The following ZNF148 variants were observed in gnomAD, a reference collection of about 807,000 sequenced individuals.
ZNF148 encodes the protein Beta-Enolase Repressor Factor-1.
A neutral mutation model predicts 67.7 loss-of-function variants in ZNF148; 7 were observed. That is an observed-to-expected ratio of 0.10 (90% CI 0.06 to 0.19). The LOEUF is 0.19. Among genes scored for constraint, ZNF148 ranks in the 10% least tolerant of loss-of-function variants. The pLI is 1.00. For synonymous variants in ZNF148, 333 were observed against 330.7 expected (o/e 1.01, Z -0.08); for missense variants, 583 against 947.1 (o/e 0.62, Z 5.05).
intron 7 of ZNF148, among the ~76,000 whole-genome samples, chr3:125,238,655 A>C (rs1359995161): frequency 6.6e-6 from 1 of 152,166 alleles, no homozygotes; most frequent in Non-Finnish European, 1.5e-5. Context: ...ACACAAATGA[A>C]ATGACATTTA....
intron 4 of ZNF148, among the ~76,000 whole-genome samples, chr3:125,299,063 T>C (rs1403703951): frequency 2.0e-5 from 3 of 152,354 alleles, no homozygotes; most frequent in East Asian, 1.9e-4. Flanking sequence ...TAGACAGACA[T>C]TGGAAAGAAG....
chr3:125,317,698 C>CAT lies in ZNF148; in HGVS notation c.-16-4044_-16-4043dup, dbSNP rs1553708300. On this transcript the variant is annotated intron_variant, in intron 3 of 8. Coordinates refer to ENST00000360647, the MANE Select transcript of ZNF148 (RefSeq NM_021964.3). ...AGAGAGAAATACATATACACACACA[C>CAT]ATATATATATATATATTTTTTTTTT... Among the ~76,000 whole-genome samples the CAT allele has an allele frequency of 1.3e-3, 132 of 103,320 alleles. 1 individual carries two copies. The highest frequency in any genetic ancestry group is 3.2e-3 in the African/African-American group (87 of 27,460). 67.8% of individuals were successfully genotyped at this position (103,320 alleles called of 152,430 possible).
intron 4 of ZNF148, among the ~76,000 whole-genome samples, chr3:125,312,413 G>A (rs1026283225): frequency 1.3e-5 from 2 of 152,168 alleles, no homozygotes; most frequent in African/African-American, 4.8e-5. Context: ...CACACCATGT[G>A]CCAACACCTG....
chr3:125,284,571 G>A (rs76593630), intron 5 of ZNF148, among the ~76,000 whole-genome samples: 1,682 of 152,044 alleles, frequency 0.011, 30 homozygotes, highest in African/African-American at 0.038. Flanking sequence ...ACTGCAATAC[G>A]CAATTTTAAA....
rs149374809 is a variant in ZNF148 at position 125,233,880 on chromosome 3, G to A, written c.846C>T (p.Asp282=). 6.2e-7 allele frequency: 1 copy of A among 1,611,848 alleles called. No individual in the cohort carries two copies. The highest frequency in any genetic ancestry group is 8.5e-7 in the Non-Finnish European group (1 of 1,179,556). The change falls in exon 9 of 9, where the codon GAC becomes GAT. Residue 282 remains aspartate, a synonymous_variant. Coordinates refer to ENST00000360647, the MANE Select transcript of ZNF148 (RefSeq NM_021964.3). This position sits in a 1 kb window ranked among gnomAD's most constrained non-coding sequence, Gnocchi z 5.1. Reference sequence around the variant, plus strand: ...TGATGGCACATCTATTTAGTTTTTTGTCATGATTTTCATGGCACATACGTT... The same window carrying A: ...TGATGGCACATCTATTTAGTTTTTTATCATGATTTTCATGGCACATACGTT... ...KHKRMCHENH[D]KKLNRCAIKG... is the part of the protein sequence containing the mutation.
rs191588505 is a variant in ZNF148 at position 125,347,873 on chromosome 3, A to C, written c.-233-16635T>G. ...GACACCAAGACAATTCAGTAGAGAA[A>C]GAAGTCTTTTCAACAAACCAGTGCT... On this transcript the variant is annotated intron_variant, in intron 1 of 8. Coordinates refer to ENST00000360647, the MANE Select transcript of ZNF148 (RefSeq NM_021964.3). Among the ~76,000 whole-genome samples the C allele has an allele frequency of 2.4e-3, 372 of 152,318 alleles. 8 individuals are homozygous for C. The highest frequency in any genetic ancestry group is 0.023 in the Admixed American group (358 of 15,300).
At position 125,320,228 on chromosome 3, in the gene ZNF148, T is replaced by C. The variant is rs563904258; in HGVS notation, c.-17+3081A>G. Among the ~76,000 whole-genome samples, 6 of 152,296 alleles carry C rather than the reference T, an allele frequency of 3.9e-5. No individual in the cohort carries two copies. The East Asian group carries it at 1.2e-3, about 29-fold the overall frequency. On this transcript the variant is annotated intron_variant, in intron 3 of 8. Coordinates refer to ENST00000360647, the MANE Select transcript of ZNF148 (RefSeq NM_021964.3). ...AAATCTCTCTACCTTCCCATTCCAA[T>C]TGAAAATTTAAAAATAATCCTAAAT...
intron 3 of ZNF148, among the ~76,000 whole-genome samples, chr3:125,321,197 AT>A (rs1940755812): frequency 6.6e-6 from 1 of 152,194 alleles, no homozygotes; most frequent in African/African-American, 2.4e-5. Context: ...AACCATGTTA[AT>A]TTTTAAAGTA....
intron 1 of ZNF148, among the ~76,000 whole-genome samples, chr3:125,360,264 C>A (rs891163418): frequency 6.6e-6 from 1 of 150,808 alleles, no homozygotes; most frequent in African/African-American, 2.4e-5. Context: ...TTACCTTCAT[C>A]TTTTTTTTTA....
chr3:125,303,929 T>C (rs990129563), intron 4 of ZNF148, among the ~76,000 whole-genome samples: 1 of 152,116 alleles, frequency 6.6e-6, no homozygotes, highest in South Asian at 2.1e-4. Context: ...GCAGTGTATT[T>C]ATATAAAATG....
At chr3:125,358,006 TTGAAG>T (rs1264399490) in intron 1 of ZNF148, among the ~76,000 whole-genome samples, 21 of 152,304 alleles carry the variant, frequency 1.4e-4, no homozygotes, top group African/African-American at 5.1e-4. Flanking sequence ...TTTCTAATAC[TTGAAG>T]TAACAAGCTT....
intron 7 of ZNF148, among the ~76,000 whole-genome samples, chr3:125,269,696 A>G (rs1351146279): frequency 6.6e-6 from 1 of 152,218 alleles, no homozygotes; most frequent in Non-Finnish European, 1.5e-5. Context: ...AAAGACACAA[A>G]ATCAACACAG....
rs561706515 is a variant in ZNF148, at chr3:125,333,675, GA to G, written c.-233-2438del. 3.0e-3 allele frequency among the ~76,000 whole-genome samples: 459 copies of G among 152,318 alleles called. 1 individual carries two copies. Among genetic ancestry groups the G allele is most frequent in the African/African-American group, 0.011 (441 of 41,566 alleles). On this transcript the variant is annotated intron_variant, in intron 1 of 8. Coordinates refer to ENST00000360647, the MANE Select transcript of ZNF148 (RefSeq NM_021964.3). ...CTACTCCCCCACTTCAGCAGTCAGT[GA>G]ATATTCCTCCTTAGCAATTCTTTTA... is the stretch of plus-strand genomic sequence containing the variant.
chr3:125,290,383 TAA>T (rs1579718035), intron 4 of ZNF148, among the ~76,000 whole-genome samples: 1 of 152,190 alleles, frequency 6.6e-6, no homozygotes, highest in African/African-American at 2.4e-5. Flanking sequence ...TTCCTGACTT[TAA>T]AGAGTCCTCC....
chr3:125,229,182 C>A lies in ZNF148; in HGVS notation c.*3159G>T, dbSNP rs1426557423. 1 of 148,718 alleles carries A rather than the reference C, an allele frequency of 6.7e-6. No homozygotes were observed. The highest frequency in any genetic ancestry group is 1.5e-5 in the Non-Finnish European group (1 of 67,626). The allele number at this position is 148,718 out of a possible 1,614,324, so 9.2% of individuals were successfully genotyped here. On this transcript the variant is annotated 3_prime_UTR_variant, in exon 9 of 9. Transcript: ENST00000360647. ...TAAGAAATGCAGTACTACAGTAATG[C>A]CTACTTTTAAAGTTTCCCGGCCTTT... is the stretch of plus-strand genomic sequence containing the variant.
At chr3:125,341,731 G>A (rs573773638) in intron 1 of ZNF148, among the ~76,000 whole-genome samples, 8 of 152,180 alleles carry the variant, frequency 5.3e-5, no homozygotes, top group African/African-American at 1.7e-4. Context: ...ATGGTGGCTC[G>A]TGCCTGTAAT....
intron 7 of ZNF148, among the ~76,000 whole-genome samples, chr3:125,241,635 T>A (rs555875388): frequency 1.3e-5 from 2 of 152,218 alleles, no homozygotes; most frequent in Admixed American, 1.3e-4. Flanking sequence ...TATTTTTCAC[T>A]GATGGAAAGA....
intron 4 of ZNF148, among the ~76,000 whole-genome samples, chr3:125,291,234 G>A (rs995112974): frequency 6.6e-6 from 1 of 152,032 alleles, no homozygotes; most frequent in African/African-American, 2.4e-5. Flanking sequence ...CACTGACTTA[G>A]AGCATTATCA....
intron 1 of ZNF148, among the ~76,000 whole-genome samples, chr3:125,353,912 T>C (rs745911749): frequency 1.1e-4 from 17 of 152,140 alleles, no homozygotes; most frequent in South Asian, 2.1e-4. Flanking sequence ...CATCTCTATA[T>C]AGAAACTAAA....
Sources: gnomAD v4.1 joint callset for allele counts (sites outside exome capture counted in the v4.1 genomes callset) on GRCh38, gnomAD v4.1.1 for gene constraint, Gnocchi (gnomAD v3.1) non-coding constraint, MANE v1.5 for transcripts, NCBI Gene and HGNC (gene_info 2026-07-23, HGNC 2026-07-21) for gene names.